Variants in RAD18 observed in about 807,000 individuals in gnomAD.
RAD18 encodes the protein E3 ubiquitin-protein ligase RAD18.
In RAD18, 47 loss-of-function variants were observed where a neutral mutation model predicts 60.4. The ratio of observed to expected loss-of-function variants is 0.78; its 90% CI spans 0.62 to 0.99. The LOEUF (loss-of-function observed/expected upper bound fraction) is 0.99, where lower values mean the gene tolerates loss of function less well. RAD18 is among the 50% of genes least tolerant of loss of function. RAD18 has a pLI of 0.00. For missense variants in RAD18, 640 were observed against 593.3 expected, an observed-to-expected ratio of 1.08 and a Z score of -0.82; for synonymous variants, 225 against 195.5, an observed-to-expected ratio of 1.15 and a Z score of -1.26.
intron 2 of RAD18, 95 bp from the exon 3 acceptor site, chr3:8,948,665 C>T (rs968003686): frequency 8.3e-5 from 86 of 1,039,562 alleles, no homozygotes; most frequent in Non-Finnish European, 1.1e-4. Flanking sequence ...AGACTATTTC[C>T]GTCATCTAAG....
chr3:8,940,524 ACACT>A (rs936465215), intron 5 of RAD18, among the ~76,000 whole-genome samples: 1 of 152,254 alleles, frequency 6.6e-6, no homozygotes, highest in African/African-American at 2.4e-5. Flanking sequence ...AGTTTAATAC[ACACT>A]CACATCTCTG....
chr3:8,947,027 G>A lies in RAD18; in HGVS notation c.266+193C>T, dbSNP rs1048379115. The A allele has an allele frequency of 7.2e-6, 4 of 555,220 alleles. No individual in the cohort carries two copies. In the African/African-American group the frequency reaches 7.8e-5, roughly 11 times the overall value. The allele number at this position is 555,220 out of a possible 1,614,324, so 34.4% of individuals were successfully genotyped here. ...CTCTTAATTATTCTATACTACAGGA[G>A]AATTTCTGTTAAGTAAAGGAAGAAA... On this transcript the variant is annotated intron_variant, in intron 4 of 12. Coordinates refer to ENST00000264926, the MANE Select transcript of RAD18 (RefSeq NM_020165.4).
rs373218575 is a variant in RAD18 at position 8,881,357 on chromosome 3, T to G, written c.1488A>C (p.Ter496TyrextTer11). 1.3e-6 allele frequency: 2 copies of G among 1,596,036 alleles called. No individual in the cohort carries two copies. Among genetic ancestry groups the G allele is most frequent in the African/African-American group, 2.7e-5 (2 of 74,508 alleles). ...TTTGAAAAGTCAGCAAAAGCCCACA[T>G]TAATTCCTATTACGCTTGTTTCTTG... ...IEPRNKRNRN[*>Y] Residue 496 changes from the stop codon to tyrosine (Y), a stop_lost, in exon 13 of 13, where the codon TAA (stop) becomes TAC (tyrosine). Coordinates refer to ENST00000264926, the MANE Select transcript of RAD18 (RefSeq NM_020165.4).
chr3:8,889,838 T>A (rs1462551923), intron 12 of RAD18, among the ~76,000 whole-genome samples: 1 of 152,158 alleles, frequency 6.6e-6, no homozygotes, highest in Non-Finnish European at 1.5e-5. Context: ...GTAACAGTGA[T>A]CAGATTTGCA....
At chr3:8,894,457 A>C (rs1939750355) in intron 11 of RAD18, among the ~76,000 whole-genome samples, 1 of 152,230 alleles carries the variant, frequency 6.6e-6, no homozygotes, top group Non-Finnish European at 1.5e-5. Context: ...GGGAAGTTAG[A>C]GGGACAAACA....
chr3:8,939,309 CTTA>C (rs1426334627), intron 6 of RAD18, among the ~76,000 whole-genome samples: 3 of 152,062 alleles, frequency 2.0e-5, no homozygotes, highest in African/African-American at 7.2e-5. Context: ...TCACTAATTT[CTTA>C]TTAAGTCAAA....
intron 7 of RAD18, among the ~76,000 whole-genome samples, chr3:8,915,147 CA>C (rs373157801): frequency 0.069 from 6,984 of 101,352 alleles, 517 homozygotes; most frequent in African/African-American, 0.24. Flanking sequence ...GACTCCGTCT[CA>C]AAAAAAAAAA....
intron 10 of RAD18, 132 bp from the exon 11 acceptor site, chr3:8,899,179 G>A: frequency 1.7e-6 from 1 of 603,236 alleles, no homozygotes; most frequent in Non-Finnish European, 2.6e-6. Context: ...CAGAACTCTA[G>A]TGACAGCCAG....
At chr3:8,917,865 T>C (rs1310284531) in intron 7 of RAD18, among the ~76,000 whole-genome samples, 3 of 152,002 alleles carry the variant, frequency 2.0e-5, no homozygotes, top group Non-Finnish European at 2.9e-5. Flanking sequence ...CCAAACTATA[T>C]ACTATCAAAA....
chr3:8,956,689 C>T (rs983676350), intron 2 of RAD18, among the ~76,000 whole-genome samples: 2 of 148,140 alleles, frequency 1.4e-5, no homozygotes, highest in African/African-American at 5.2e-5. Context: ...GGAAGAAAAT[C>T]ATATGAGCAT....
intron 8 of RAD18, among the ~76,000 whole-genome samples, chr3:8,913,096 A>G (rs1166852914): frequency 2.6e-5 from 4 of 152,326 alleles, no homozygotes; most frequent in East Asian, 3.9e-4. Context: ...ACAGGACACA[A>G]TGACTATTTT....
intron 11 of RAD18, among the ~76,000 whole-genome samples, chr3:8,895,877 A>G (rs996561024): frequency 6.6e-6 from 1 of 152,244 alleles, no homozygotes; most frequent in Admixed American, 6.5e-5. Flanking sequence ...GTCACATGCT[A>G]TACATGCTGT....
chr3:8,887,397 C>T (rs977105879), intron 12 of RAD18, among the ~76,000 whole-genome samples: 17 of 152,234 alleles, frequency 1.1e-4, no homozygotes, highest in East Asian at 3.9e-4. Flanking sequence ...CTGGAGGAGA[C>T]GCAGATCTGG....
intron 4 of RAD18, among the ~76,000 whole-genome samples, chr3:8,942,439 C>A (rs966392357): frequency 1.6e-4 from 24 of 152,136 alleles, no homozygotes; most frequent in African/African-American, 5.8e-4. Context: ...GCCAATTAAA[C>A]CTCTTTTCTT....
chr3:8,879,908 T>C lies in RAD18; in HGVS notation c.*1449A>G, dbSNP rs1939429155. On this transcript the variant is annotated 3_prime_UTR_variant, in exon 13 of 13. Coordinates refer to ENST00000264926, the MANE Select transcript of RAD18 (RefSeq NM_020165.4). ...TACTTCCAGTTTAATTTATAGACTA[T>C]ATAATTTGTCATGAAACAAACAGTT... 1 of 152,256 alleles carries C rather than the reference T, an allele frequency of 6.6e-6. No individual in the cohort carries two copies. The highest frequency in any genetic ancestry group is 2.1e-4 in the South Asian group (1 of 4,834). The allele number at this position is 152,256 out of a possible 1,614,324, so 9.4% of individuals were successfully genotyped here.
At chr3:8,926,309 T>C (rs143835187) in intron 7 of RAD18, among the ~76,000 whole-genome samples, 21,770 of 152,164 alleles carry the variant, frequency 0.14, 1,928 homozygotes, top group African/African-American at 0.24. Flanking sequence ...CCATTCACAA[T>C]TGCTTCAAAG....
chr3:8,945,871 A>G (rs1161784), intron 4 of RAD18, among the ~76,000 whole-genome samples: 127,113 of 152,264 alleles, frequency 0.83, 53,293 homozygotes, highest in South Asian at 0.9. Flanking sequence ...AAAGATGCTT[A>G]TACAGCTATA....
chr3:8,941,506 C>G lies in RAD18; in HGVS notation c.565G>C (p.Glu189Gln). 6.2e-7 allele frequency: 1 copy of G among 1,613,508 alleles called. No individual in the cohort carries two copies. The highest frequency in any genetic ancestry group is 8.5e-7 in the Non-Finnish European group (1 of 1,179,636). The change falls in exon 5 of 13, where the codon GAG becomes CAG. Residue 189 changes from glutamate to glutamine, a missense_variant. Physicochemically the swap from Glu to Gln is conservative, Grantham distance 29. Transcript: ENST00000264926. ...APDPSEAKRP[E>Q]PPSTSTLKQV... Reference sequence around the variant, plus strand: ...TTCAAAGTGGATGTCGAGGGTGGCTCAGGACGCTTAGCCTCTGAGGGATCT... The same window carrying G: ...TTCAAAGTGGATGTCGAGGGTGGCTGAGGACGCTTAGCCTCTGAGGGATCT...
At chr3:8,888,438 G>A (rs929683549) in intron 12 of RAD18, among the ~76,000 whole-genome samples, 4 of 152,168 alleles carry the variant, frequency 2.6e-5, no homozygotes, top group Non-Finnish European at 4.4e-5. Context: ...AGAATGTGTC[G>A]GAACTGATAT....
Sources: allele counts gnomAD v4.1 joint callset (sites outside exome capture counted in the v4.1 genomes callset), GRCh38; gene constraint gnomAD v4.1.1; transcripts MANE v1.5; gene names NCBI Gene and HGNC (gene_info 2026-07-23, HGNC 2026-07-21).